Variants in LRP1B observed in about 807,000 individuals in gnomAD.
The protein encoded by LRP1B is LDL receptor related protein 1B.
In LRP1B, 217 loss-of-function variants were observed where a neutral mutation model predicts 556.6. That is an observed-to-expected ratio of 0.39 (90% CI 0.35 to 0.44). The LOEUF (loss-of-function observed/expected upper bound fraction) is 0.44, where lower values mean the gene tolerates loss of function less well. LRP1B is among the 20% of genes least tolerant of loss of function. The probability of loss-of-function intolerance (pLI) is 1.00; values close to 1 mark genes in which losing one functional copy is unlikely to be tolerated. For missense variants in LRP1B, 5,053 were observed against 5,620.8 expected, an observed-to-expected ratio of 0.90 and a Z score of 3.23; for synonymous variants, 2,047 against 1,865.8, an observed-to-expected ratio of 1.10 and a Z score of -2.50.
At chr2:141,690,396 AATATATATATATATAT>A (rs762453747) in intron 2 of LRP1B, among the ~76,000 whole-genome samples, 1 of 26,934 alleles carries the variant, frequency 3.7e-5, no homozygotes, top group African/African-American at 1.2e-4. Context: ...TACATCTATA[AATATATATATATATAT>A]ATATATATAT....
At chr2:141,446,719 A>G (rs899989812) in intron 3 of LRP1B, among the ~76,000 whole-genome samples, 3 of 152,158 alleles carry the variant, frequency 2.0e-5, no homozygotes, top group Non-Finnish European at 4.4e-5. Flanking sequence ...CTTTTCTTTA[A>G]GAATGTTGAA....
intron 19 of LRP1B, 67 bp downstream of exon 19, chr2:140,951,793 G>T: frequency 7.9e-7 from 1 of 1,262,968 alleles, no homozygotes; most frequent in Non-Finnish European, 1.1e-6. Flanking sequence ...TCTGAAGAAA[G>T]CCAGGCAGTC....
At chr2:140,361,389 A>ATATATATAT (rs1321344669) in intron 72 of LRP1B, among the ~76,000 whole-genome samples, 1 of 99,290 alleles carries the variant, frequency 1.0e-5, no homozygotes, top group Non-Finnish European at 2.2e-5. Flanking sequence ...TAACAAAAAT[A>ATATATATAT]AGTAGAAATA....
chr2:140,519,552 C>T (rs1231555161), intron 49 of LRP1B, among the ~76,000 whole-genome samples: 1 of 152,076 alleles, frequency 6.6e-6, no homozygotes, highest in Non-Finnish European at 1.5e-5. Context: ...TAGGTAAGGG[C>T]AAGGACTTCA....
chr2:141,775,989 C>A (rs988906371), intron 2 of LRP1B, among the ~76,000 whole-genome samples: 2 of 151,218 alleles, frequency 1.3e-5, no homozygotes, highest in Admixed American at 6.6e-5. Flanking sequence ...ACTACAGGTG[C>A]CCGTCATCAC....
At chr2:141,632,806 G>A (rs1688959584) in intron 2 of LRP1B, among the ~76,000 whole-genome samples, 1 of 146,598 alleles carries the variant, frequency 6.8e-6, no homozygotes, top group African/African-American at 2.5e-5. Flanking sequence ...CAATTAGTCT[G>A]AATCATGAAA....
chr2:140,483,378 G>C (rs1438178676), intron 59 of LRP1B, among the ~76,000 whole-genome samples: 1 of 151,628 alleles, frequency 6.6e-6, no homozygotes, highest in Non-Finnish European at 1.5e-5. Context: ...GCTATTAATA[G>C]ATTCAGCTGC....
chr2:141,836,753 T>C, intron 1 of LRP1B, among the ~76,000 whole-genome samples: 1 of 152,022 alleles, frequency 6.6e-6, no homozygotes, highest in South Asian at 2.1e-4. Context: ...AAATACATCT[T>C]GTTAGAAAAA....
At chr2:141,555,153 T>C (rs1444066917) in intron 2 of LRP1B, among the ~76,000 whole-genome samples, 1 of 151,940 alleles carries the variant, frequency 6.6e-6, no homozygotes, top group Non-Finnish European at 1.5e-5. Flanking sequence ...TGCACACATT[T>C]TCTCTGCTAA....
chr2:141,524,398 A>G, intron 2 of LRP1B, among the ~76,000 whole-genome samples: 1 of 152,098 alleles, frequency 6.6e-6, no homozygotes, highest in Non-Finnish European at 1.5e-5. Flanking sequence ...GAGAACATTT[A>G]GGAAATGATC....
intron 84 of LRP1B, among the ~76,000 whole-genome samples, chr2:140,286,614 G>A (rs550984174): frequency 6.1e-4 from 93 of 151,950 alleles, no homozygotes; most frequent in African/African-American, 2.2e-3. Flanking sequence ...AGTAAGCCCA[G>A]TCATAAAACT....
At chr2:141,601,642 CCTTT>C (rs935733566) in intron 2 of LRP1B, among the ~76,000 whole-genome samples, 2 of 136,012 alleles carry the variant, frequency 1.5e-5, no homozygotes, top group African/African-American at 5.2e-5. Flanking sequence ...TTCCTTCCTT[CCTTT>C]TTTTTTCCTT....
intron 3 of LRP1B, among the ~76,000 whole-genome samples, chr2:141,301,328 A>G (rs180897800): frequency 7.2e-4 from 109 of 152,312 alleles, no homozygotes; most frequent in Admixed American, 3.2e-3. Context: ...CTTACAAGTT[A>G]TGGCTATGGT....
intron 7 of LRP1B, among the ~76,000 whole-genome samples, chr2:141,076,352 C>A (rs532857262): frequency 6.6e-6 from 1 of 152,206 alleles, no homozygotes; most frequent in Non-Finnish European, 1.5e-5. Flanking sequence ...GGCAGGTATG[C>A]CAGCAATTAT....
chr2:140,786,879 T>C (rs1689924005), intron 32 of LRP1B, among the ~76,000 whole-genome samples: 1 of 152,112 alleles, frequency 6.6e-6, no homozygotes, highest in Non-Finnish European at 1.5e-5. Context: ...TTTTGTGCAA[T>C]GTGAAGGGGA....
chr2:141,247,520 G>A (rs1229953660), intron 4 of LRP1B, among the ~76,000 whole-genome samples, 166 bp from the exon 5 acceptor site: 1 of 152,116 alleles, frequency 6.6e-6, no homozygotes, highest in East Asian at 1.9e-4. Flanking sequence ...AATTATTGCT[G>A]CCTTAATATT....
intron 1 of LRP1B, among the ~76,000 whole-genome samples, chr2:141,878,843 TA>T (rs998851430): frequency 1.5e-4 from 23 of 151,916 alleles, no homozygotes; most frequent in Admixed American, 1.1e-3. Context: ...GAAGGGCAGT[TA>T]TCACTCCTTG....
intron 3 of LRP1B, among the ~76,000 whole-genome samples, chr2:141,442,844 G>C (rs1681036050): frequency 6.6e-6 from 1 of 152,070 alleles, no homozygotes; most frequent in African/African-American, 2.4e-5. Context: ...GGGCATTTGG[G>C]TTTGTTCCAA....
chr2:142,077,224 C>A (rs1287651026), intron 1 of LRP1B, among the ~76,000 whole-genome samples: 1 of 152,018 alleles, frequency 6.6e-6, no homozygotes, highest in Admixed American at 6.6e-5. Context: ...TTGAAATTAA[C>A]TTGACCTAGG....
Sources: gnomAD v4.1 joint callset for allele counts (sites outside exome capture counted in the v4.1 genomes callset) on GRCh38, gnomAD v4.1.1 for gene constraint, MANE v1.5 for transcripts, NCBI Gene and HGNC (gene_info 2026-07-23, HGNC 2026-07-21) for gene names.